Variants in ESRP1 observed in about 807,000 individuals in gnomAD.
The protein encoded by ESRP1 is epithelial splicing regulatory protein 1, also known as RNA-binding motif protein 35A.
A neutral mutation model predicts 81.7 loss-of-function variants in ESRP1; 33 were observed. The ratio of observed to expected loss-of-function variants is 0.40; its 90% confidence interval spans 0.31 to 0.54. The LOEUF (loss-of-function observed/expected upper bound fraction) is 0.54, where lower values mean the gene tolerates loss of function less well. Ranked by LOEUF, ESRP1 falls within the 20% of genes least tolerant of loss-of-function variation. ESRP1 has a pLI of 0.41. For missense variants in ESRP1, 672 were observed against 833.1 expected, an observed-to-expected ratio of 0.81 and a Z score of 2.38; for synonymous variants, 320 against 303.3, an observed-to-expected ratio of 1.06 and a Z score of -0.57.
At position 94,671,534 on chromosome 8, in the gene ESRP1, C is replaced by A. The variant is rs937205941; in HGVS notation, c.1315C>A (p.Pro439Thr). ...TCCAGTACTACCTCAGCAATTTGTG[C>A]CCCCTACAAATGTTAGAGACTGTAT... The part of the protein sequence containing the change: ...IIPVLPQQFV[P>T]PTNVRDCIRL... Residue 439 changes from proline (P) to threonine (T), a missense_variant, in exon 11 of 16, where the codon CCC (proline) becomes ACC (threonine). Coordinates refer to ENST00000433389, the MANE Select transcript of ESRP1 (RefSeq NM_017697.4). The A allele has an allele frequency of 6.2e-7, 1 of 1,613,918 alleles. No homozygotes were observed. The highest frequency in any genetic ancestry group is 1.7e-5 in the Admixed American group (1 of 60,002).
At chr8:94,682,873 T>C (rs1382672122) in intron 13 of ESRP1, among the ~76,000 whole-genome samples, 1 of 140,288 alleles carries the variant, frequency 7.1e-6, no homozygotes, top group East Asian at 2.0e-4. Context: ...TATATACATA[T>C]ATATATTCAT....
At chr8:94,643,471 G>GT (rs1041270307) in intron 3 of ESRP1, 55 bp downstream of exon 3, 16 of 1,249,850 alleles carry the variant, frequency 1.3e-5, no homozygotes, top group African/African-American at 9.0e-5. Context: ...GTGACTGGAG[G>GT]TTTTTAAAAA....
chr8:94,696,505 T>C (rs1488960828), intron 14 of ESRP1, among the ~76,000 whole-genome samples: 2 of 152,208 alleles, frequency 1.3e-5, no homozygotes, highest in Admixed American at 6.5e-5. Flanking sequence ...TGCAAATAAC[T>C]AGTGCTCAAA....
chr8:94,662,702 G>C (rs3764239), intron 6 of ESRP1, 147 bp downstream of exon 6: 444,373 of 614,002 alleles, frequency 0.72, 162,266 homozygotes, highest in East Asian at 0.79. Flanking sequence ...CCGCCTCCCG[G>C]GTTCATGCCA....
chr8:94,662,224 TA>T (rs1377909734), intron 4 of ESRP1, 47 bp from the exon 5 acceptor site: 12 of 1,190,884 alleles, frequency 1.0e-5, no homozygotes, highest in African/African-American at 1.5e-5. Flanking sequence ...GATTTAGAAG[TA>T]ACCTGATTTT....
chr8:94,653,658 T>A (rs1193240138), intron 4 of ESRP1, among the ~76,000 whole-genome samples: 1 of 152,220 alleles, frequency 6.6e-6, no homozygotes, highest in Non-Finnish European at 1.5e-5. Context: ...AGCTACATGT[T>A]AGTACAGGTA....
At chr8:94,647,237 G>C (rs532354233) in intron 4 of ESRP1, among the ~76,000 whole-genome samples, 10 of 152,304 alleles carry the variant, frequency 6.6e-5, no homozygotes, top group Non-Finnish European at 1.5e-4. Context: ...CAGTTAGCTG[G>C]AATTTTGGCT....
At chr8:94,685,470 A>G (rs1381411860) in intron 13 of ESRP1, among the ~76,000 whole-genome samples, 1 of 152,150 alleles carries the variant, frequency 6.6e-6, no homozygotes. Flanking sequence ...TGATTGTGCC[A>G]CTGCACTCTA....
At chr8:94,662,140 GC>G (rs1818779929) in intron 4 of ESRP1, 131 bp from the exon 5 acceptor site, 1 of 588,702 alleles carries the variant, frequency 1.7e-6, no homozygotes, top group Non-Finnish European at 2.9e-6. Flanking sequence ...ATGGGAGGCA[GC>G]CATTCTGAGA....
At chr8:94,646,322 T>G in intron 4 of ESRP1, 40 bp downstream of exon 4, 1 of 1,289,194 alleles carries the variant, frequency 7.8e-7, no homozygotes, top group South Asian at 1.4e-5. Flanking sequence ...TTTGAAAAGA[T>G]AGTTCCAGAA....
In ESRP1 at chr8:94,688,534, C is replaced by A. The variant is rs578238002; in HGVS notation, c.1821-4143C>A. 29 of 214,934 alleles carry A rather than the reference C, an allele frequency of 1.3e-4. No individual in the cohort carries two copies. In the East Asian group the frequency reaches 3.4e-3, roughly 25 times the overall value. 13.3% of individuals were successfully genotyped at this position (214,934 alleles called of 1,614,324 possible). On this transcript the variant is annotated intron_variant, in intron 13 of 15. Coordinates refer to ENST00000433389, the MANE Select transcript of ESRP1 (RefSeq NM_017697.4). Reference sequence around the variant, plus strand: ...CATCAGTTTGGTTTCATTATACTGACAACTTCGGCTGGCATCACAGACCAT... The same window carrying A: ...CATCAGTTTGGTTTCATTATACTGAAAACTTCGGCTGGCATCACAGACCAT...
At chr8:94,678,431 G>A (rs1364404910) in intron 13 of ESRP1, 60 bp downstream of exon 13, 14 of 1,557,598 alleles carry the variant, frequency 9.0e-6, no homozygotes, top group Non-Finnish European at 1.1e-5. Context: ...TTGATAGCCA[G>A]TGCAAGAGCT....
intron 13 of ESRP1, 139 bp downstream of exon 13, chr8:94,678,510 A>G (rs1024300848): frequency 6.1e-6 from 6 of 985,560 alleles, no homozygotes; most frequent in Non-Finnish European, 8.7e-6. Flanking sequence ...CATATCTCTG[A>G]CCAAGAAGGT....
chr8:94,671,778 ATT>A, intron 11 of ESRP1, 107 bp downstream of exon 11: 1 of 691,712 alleles, frequency 1.4e-6, no homozygotes, highest in Non-Finnish European at 2.2e-6. Flanking sequence ...AATATTAGAT[ATT>A]AGTCTTTGAT....
chr8:94,669,214 A>T (rs781658761), intron 10 of ESRP1, among the ~76,000 whole-genome samples: 2 of 152,190 alleles, frequency 1.3e-5, no homozygotes, highest in Non-Finnish European at 2.9e-5. Flanking sequence ...CCAATTGAAC[A>T]TGTCTTCAGG....
intron 4 of ESRP1, among the ~76,000 whole-genome samples, chr8:94,657,580 G>A (rs567958562): frequency 1.2e-4 from 18 of 151,976 alleles, no homozygotes; most frequent in Non-Finnish European, 2.2e-4. Flanking sequence ...ACTCATCCTG[G>A]TGTGACGCTG....
At chr8:94,667,210 T>A (rs1328731668) in intron 9 of ESRP1, among the ~76,000 whole-genome samples, 3 of 138,018 alleles carry the variant, frequency 2.2e-5, no homozygotes, top group African/African-American at 8.7e-5. Flanking sequence ...AGAGTGAAAC[T>A]GTGTCTCAAA....
At chr8:94,701,585 C>CTTCTTT (rs1441713208) in intron 15 of ESRP1, among the ~76,000 whole-genome samples, 3 of 151,762 alleles carry the variant, frequency 2.0e-5, no homozygotes, top group Non-Finnish European at 2.9e-5. Context: ...AAGTTGCTTT[C>CTTCTTT]TTCTTTTTCT....
rs749182741 is a variant in ESRP1 at position 94,642,067 on chromosome 8, G to C, written c.244G>C (p.Asp82His). 6.2e-7 allele frequency: 1 copy of C among 1,612,580 alleles called. No homozygotes were observed. The highest frequency in any genetic ancestry group is 8.5e-7 in the Non-Finnish European group (1 of 1,179,818). Residue 82 changes from aspartate (D) to histidine (H), a missense_variant, in exon 2 of 16, where the codon GAC becomes CAC. By Grantham distance (81) the Asp-to-His change is moderately conservative (BLOSUM62 -1). Transcript: ENST00000433389. ...VESLSSASQL[D>H]QALRQFNQSV... is the part of the protein sequence containing the mutation. ...AAGCCTGTCCTCGGCGTCGCAGCTG[G>C]ACCAAGCCCTCCGACAGGTGACAAC...
Sources: allele counts gnomAD v4.1 joint callset (sites outside exome capture counted in the v4.1 genomes callset), GRCh38; gene constraint gnomAD v4.1.1; transcripts MANE v1.5; gene names NCBI Gene and HGNC (gene_info 2026-07-23, HGNC 2026-07-21).